Variants in PLEKHA6 observed in about 807,000 individuals in gnomAD.
PLEKHA6 encodes pleckstrin homology domain-containing family A member 6.
Under a neutral mutation model 116.7 loss-of-function variants are expected in PLEKHA6, and 60 were observed. The ratio of observed to expected loss-of-function variants is 0.51; its 90% CI spans 0.42 to 0.64. The LOEUF is 0.64. PLEKHA6 is among the 30% of genes least tolerant of loss of function. The pLI, the probability that PLEKHA6 is intolerant of heterozygous loss-of-function variation, is 0.00. For synonymous variants in PLEKHA6, 489 were observed against 556.1 expected (o/e 0.88, Z 1.70); for missense variants, 1,338 against 1,422.7 (o/e 0.94, Z 0.96).
At chr1:204,295,011 T>A (rs1670133969) in intron 1 of PLEKHA6, among the ~76,000 whole-genome samples, 1 of 152,192 alleles carries the variant, frequency 6.6e-6, no homozygotes, top group African/African-American at 2.4e-5. Context: ...AAGTTATCCA[T>A]CAAGATAGTA....
chr1:204,253,809 A>G (rs1664882106), intron 9 of PLEKHA6, among the ~76,000 whole-genome samples: 1 of 147,480 alleles, frequency 6.8e-6, no homozygotes, highest in Non-Finnish European at 1.5e-5. Flanking sequence ...ACTCTAGCCT[A>G]GGCAACAGAG....
Position 204,304,853 on chromosome 1 carries a change from A to G in PLEKHA6, c.-94-30044T>C, listed in dbSNP as rs1671138951. ...AAGGGAGGGGGAAATTAATACACAT[A>G]CTATTCTTTACTTATATTAAAGGCA... On this transcript the variant is annotated intron_variant, in intron 1 of 22. Coordinates refer to ENST00000272203, the MANE Select transcript of PLEKHA6 (RefSeq NM_014935.5). Among the ~76,000 whole-genome samples, 3 of 152,186 alleles carry G rather than the reference A, an allele frequency of 2.0e-5. No individual in the cohort carries two copies. The South Asian group carries it at 6.2e-4, about 32-fold the overall frequency.
chr1:204,359,017 T>C (rs1673494551), intron 1 of PLEKHA6, among the ~76,000 whole-genome samples: 1 of 145,666 alleles, frequency 6.9e-6, no homozygotes, highest in Non-Finnish European at 1.5e-5. Context: ...CCTCACACAA[T>C]ACCTCGAGGC....
At chr1:204,358,463 G>A (rs1673475608) in intron 1 of PLEKHA6, among the ~76,000 whole-genome samples, 1 of 152,172 alleles carries the variant, frequency 6.6e-6, no homozygotes, top group South Asian at 2.1e-4. Context: ...TACTCTTCCA[G>A]GGTGGCCTGG....
rs1190245246 is a variant in PLEKHA6, at chr1:204,219,055, C to T, written c.*3733G>A. 1 of 152,514 alleles carries T rather than the reference C, an allele frequency of 6.6e-6. No individual in the cohort carries two copies. The highest frequency in any genetic ancestry group is 1.5e-5 in the Non-Finnish European group (1 of 68,022). 9.4% of individuals were successfully genotyped at this position (152,514 alleles called of 1,614,324 possible). A position where few individuals can be genotyped will look rare whatever the true frequency, so the allele number is the denominator to read the frequency against. On this transcript the variant is annotated 3_prime_UTR_variant, in exon 23 of 23. Transcript: ENST00000272203. The stretch of plus-strand genomic sequence containing the variant: ...CTAGAAAGATGCTAAGGGGATGCTA[C>T]AGCTGTTTGTCCCCTGACAGAGATT...
intron 1 of PLEKHA6, among the ~76,000 whole-genome samples, chr1:204,308,230 C>T (rs147196326): frequency 6.6e-6 from 1 of 152,178 alleles, no homozygotes; most frequent in Non-Finnish European, 1.5e-5. Context: ...CAGCCCGATT[C>T]GGCATCTTGG....
intron 1 of PLEKHA6, among the ~76,000 whole-genome samples, chr1:204,300,128 G>A (rs1670670389): frequency 6.6e-6 from 1 of 152,218 alleles, no homozygotes; most frequent in Admixed American, 6.5e-5. Flanking sequence ...TGTGTTAACA[G>A]CAGGGTGCAT....
rs1666054291 is a variant in PLEKHA6, at chr1:204,261,102, A to G, written c.524+204T>C. ...TGGCCTTCCCGAGCTCAGAGAGAAGAGGAGGAGCTGGCTAGGGGAAGAGAG... is the reference window on the plus strand; with the variant it reads ...TGGCCTTCCCGAGCTCAGAGAGAAGGGGAGGAGCTGGCTAGGGGAAGAGAG... On this transcript the variant is annotated intron_variant, in intron 7 of 22. Coordinates refer to ENST00000272203, the MANE Select transcript of PLEKHA6 (RefSeq NM_014935.5). The surrounding 1 kb of genome is among the most constrained non-coding windows in gnomAD (Gnocchi z 4.0). 6.6e-6 allele frequency among the ~76,000 whole-genome samples: 1 copy of G among 152,198 alleles called. No individual in the cohort carries two copies. Among genetic ancestry groups the G allele is most frequent in the Non-Finnish European group, 1.5e-5 (1 of 68,044 alleles).
intron 1 of PLEKHA6, among the ~76,000 whole-genome samples, chr1:204,302,339 C>T (rs755797813): frequency 6.6e-6 from 1 of 152,208 alleles, no homozygotes; most frequent in Non-Finnish European, 1.5e-5. Context: ...CCAGGAATAT[C>T]CTTGTTGACC....
At chr1:204,249,010 G>A (rs1052048341) in intron 11 of PLEKHA6, 40 bp from the exon 12 acceptor site, 2 of 1,605,998 alleles carry the variant, frequency 1.2e-6, no homozygotes, top group Middle Eastern at 1.7e-4. Flanking sequence ...AGCCCTGACA[G>A]CTCCTCTCTG....
chr1:204,251,552 G>A (rs1558065539), intron 9 of PLEKHA6: 4 of 702,876 alleles, frequency 5.7e-6, no homozygotes, highest in Non-Finnish European at 1.0e-5. Flanking sequence ...GTTGGGACCT[G>A]GGGGAGGAGT....
At chr1:204,364,474 G>T (rs1471198098), upstream of PLEKHA6, among the ~76,000 whole-genome samples, 3 of 152,210 alleles carry the variant, frequency 2.0e-5, no homozygotes, top group Non-Finnish European at 4.4e-5. Context: ...CGAAGAACCA[G>T]TTTTCCCATT....
intron 1 of PLEKHA6, chr1:204,347,215 A>G: frequency 8.8e-7 from 1 of 1,131,622 alleles, no homozygotes; most frequent in Non-Finnish European, 1.3e-6. Context: ...AGGCCTAGAG[A>G]ACATACATCG....
At chr1:204,311,908 T>C (rs888282838) in intron 1 of PLEKHA6, among the ~76,000 whole-genome samples, 2 of 152,218 alleles carry the variant, frequency 1.3e-5, no homozygotes, top group Non-Finnish European at 2.9e-5. Flanking sequence ...TTTCCTCTGG[T>C]CTCAGCCCAT....
In PLEKHA6 at chr1:204,221,979, G is replaced by A; in HGVS notation, c.*809C>T. 1 of 150,982 alleles carries A rather than the reference G, an allele frequency of 6.6e-6. No individual in the cohort carries two copies. The highest frequency in any genetic ancestry group is 1.5e-5 in the Non-Finnish European group (1 of 68,600). 9.4% of individuals were successfully genotyped at this position (150,982 alleles called of 1,614,324 possible). On this transcript the variant is annotated 3_prime_UTR_variant, in exon 23 of 23. Transcript: ENST00000272203. ...CATCTCCCTCCTTCCTGCTTGACTT[G>A]CCAATGTGTCCTGCTGCTTCCCCCT...
intron 1 of PLEKHA6, among the ~76,000 whole-genome samples, chr1:204,341,950 G>C (rs766606140): frequency 1.3e-5 from 2 of 152,316 alleles, no homozygotes; most frequent in African/African-American, 2.4e-5. Context: ...ACTTTGAAAG[G>C]CTGAGGCGGG....
chr1:204,328,545 C>A (rs189292931), intron 1 of PLEKHA6, among the ~76,000 whole-genome samples: 13 of 151,974 alleles, frequency 8.6e-5, no homozygotes, highest in Non-Finnish European at 1.9e-4. Context: ...CACCACCATG[C>A]CTGGCTAATT....
intron 13 of PLEKHA6, among the ~76,000 whole-genome samples, chr1:204,246,604 A>C (rs1036174878): frequency 2.6e-5 from 4 of 152,216 alleles, no homozygotes; most frequent in African/African-American, 9.7e-5. Context: ...TAACTGCATC[A>C]GAGAGACAGG....
chr1:204,354,326 T>A (rs1673361012), intron 1 of PLEKHA6, among the ~76,000 whole-genome samples: 1 of 152,204 alleles, frequency 6.6e-6, no homozygotes, highest in African/African-American at 2.4e-5. Context: ...CAGCTCCAGC[T>A]CTATTTCCTG....
Sources: gnomAD v4.1 joint callset for allele counts (sites outside exome capture counted in the v4.1 genomes callset) on GRCh38, gnomAD v4.1.1 for gene constraint, Gnocchi (gnomAD v3.1) non-coding constraint, MANE v1.5 for transcripts, NCBI Gene and HGNC (gene_info 2026-07-23, HGNC 2026-07-21) for gene names.